GMDS: variants seen among roughly 807,000 people sequenced by gnomAD.
GMDS encodes the protein GDP-mannose 4,6 dehydratase.
A neutral mutation model predicts 49.9 loss-of-function variants in GMDS; 20 were observed. The observed-to-expected ratio is 0.40, with a 90% CI of 0.28 to 0.58. The LOEUF is 0.58. GMDS is among the 20% of genes least tolerant of loss of function. GMDS has a pLI of 0.42. For synonymous variants in GMDS, 177 were observed against 178.6 expected (o/e 0.99, Z 0.07); for missense variants, 362 against 481.4 (o/e 0.75, Z 2.32).
rs564857579 is a variant in GMDS at position 2,069,968 on chromosome 6, C to T, written c.345+45803G>A. Among the ~76,000 whole-genome samples the T allele has an allele frequency of 2.0e-4, 31 of 151,854 alleles. No homozygotes were observed. In the East Asian group the frequency reaches 3.5e-3, roughly 17 times the overall value. On this transcript the variant is annotated intron_variant, in intron 4 of 10. Transcript: ENST00000380815. ...ATGCTGCTATAAAGACACATGCACACGTATGTTTATTGCAGCATTATTCAC... is the reference window on the plus strand; with the variant it reads ...ATGCTGCTATAAAGACACATGCACATGTATGTTTATTGCAGCATTATTCAC...
chr6:2,211,045 T>C (rs1273638900), intron 1 of GMDS, among the ~76,000 whole-genome samples: 1 of 152,178 alleles, frequency 6.6e-6, no homozygotes, highest in Non-Finnish European at 1.5e-5. Context: ...GATTGCAAGT[T>C]TCCTGCAGCC....
chr6:1,692,001 G>A (rs1359128194), intron 9 of GMDS, among the ~76,000 whole-genome samples: 1 of 152,152 alleles, frequency 6.6e-6, no homozygotes, highest in African/African-American at 2.4e-5. Context: ...GGGAGAAGCA[G>A]ACCCACCCTC....
chr6:1,795,064 G>T (rs1436607657), intron 7 of GMDS, among the ~76,000 whole-genome samples: 1 of 152,116 alleles, frequency 6.6e-6, no homozygotes, highest in Non-Finnish European at 1.5e-5. Flanking sequence ...GCCAGGCATG[G>T]TGGCGCATGC....
intron 6 of GMDS, among the ~76,000 whole-genome samples, chr6:1,949,924 A>G (rs1400402536): frequency 3.3e-5 from 5 of 152,236 alleles, no homozygotes; most frequent in African/African-American, 1.2e-4. Context: ...ATGCTCATCT[A>G]CAAAAGCCAC....
At chr6:1,971,710 G>A (rs2127323951) in intron 4 of GMDS, among the ~76,000 whole-genome samples, 1 of 152,252 alleles carries the variant, frequency 6.6e-6, no homozygotes, top group Middle Eastern at 3.4e-3. Flanking sequence ...ACACTGTGGG[G>A]GCCATGGCTT....
chr6:2,189,398 G>A (rs1204767424), intron 1 of GMDS, among the ~76,000 whole-genome samples: 2 of 152,154 alleles, frequency 1.3e-5, no homozygotes, highest in Non-Finnish European at 2.9e-5. Context: ...TGGAGATGCA[G>A]GAGAATCTTA....
At chr6:1,672,238 A>T (rs1180940389) in intron 9 of GMDS, among the ~76,000 whole-genome samples, 1 of 152,190 alleles carries the variant, frequency 6.6e-6, no homozygotes, top group African/African-American at 2.4e-5. Context: ...TTCCCAAATG[A>T]TAAAGGCAGC....
chr6:1,972,228 A>C (rs1303550134), intron 4 of GMDS, among the ~76,000 whole-genome samples: 1 of 151,258 alleles, frequency 6.6e-6, no homozygotes, highest in Non-Finnish European at 1.5e-5. Context: ...AAAATTATTT[A>C]AAACAAATAT....
At chr6:2,115,144 C>A (rs1562068292) in intron 4 of GMDS, among the ~76,000 whole-genome samples, 1 of 152,074 alleles carries the variant, frequency 6.6e-6, no homozygotes, top group Non-Finnish European at 1.5e-5. Flanking sequence ...GAGGACACGG[C>A]AACAAAAACT....
intron 7 of GMDS, among the ~76,000 whole-genome samples, chr6:1,861,195 T>C (rs114135226): frequency 0.022 from 3,346 of 152,086 alleles, 116 homozygotes; most frequent in African/African-American, 0.076. Context: ...GCACCCTCAG[T>C]GAATGAAGGA....
intron 4 of GMDS, among the ~76,000 whole-genome samples, chr6:2,057,618 A>G (rs1258435354): frequency 1.3e-5 from 2 of 152,236 alleles, no homozygotes; most frequent in South Asian, 2.1e-4. Flanking sequence ...CATCTCTTCC[A>G]TTTAAACTTG....
intron 6 of GMDS, among the ~76,000 whole-genome samples, chr6:1,933,737 G>A (rs568321238): frequency 3.3e-5 from 5 of 152,120 alleles, no homozygotes; most frequent in African/African-American, 4.8e-5. Context: ...TTATTATAGA[G>A]TTGTAAGAAT....
In GMDS at chr6:1,866,794, A is replaced by G. The variant is rs1486280873; in HGVS notation, c.771+63309T>C. ...TGAACCTTGGGAGTACACTTGCCAC[A>G]CAGTGCCCCCCCGGGGTACCCCTAA... On this transcript the variant is annotated intron_variant, in intron 7 of 10. Transcript: ENST00000380815. Among the ~76,000 whole-genome samples the G allele has an allele frequency of 5.3e-5, 8 of 152,324 alleles. No homozygotes were observed. In the East Asian group the frequency reaches 1.3e-3, roughly 26 times the overall value.
intron 1 of GMDS, among the ~76,000 whole-genome samples, chr6:2,126,745 T>C (rs1775469866): frequency 6.6e-6 from 1 of 152,196 alleles, no homozygotes; most frequent in Non-Finnish European, 1.5e-5. Context: ...GCGATTCTCG[T>C]GCCTCAGCCT....
At chr6:2,236,104 A>G (rs1581841811) in intron 1 of GMDS, among the ~76,000 whole-genome samples, 2 of 152,344 alleles carry the variant, frequency 1.3e-5, no homozygotes, top group South Asian at 2.1e-4. Context: ...TCTCCCTCAA[A>G]GCAAAGGCTG....
intron 7 of GMDS, among the ~76,000 whole-genome samples, chr6:1,817,335 A>G (rs1471091944): frequency 6.6e-6 from 1 of 152,198 alleles, no homozygotes; most frequent in Non-Finnish European, 1.5e-5. Context: ...GCAGCCAACA[A>G]AAGAACTATT....
chr6:2,011,069 G>A (rs773805970), intron 4 of GMDS, among the ~76,000 whole-genome samples: 5 of 151,998 alleles, frequency 3.3e-5, no homozygotes, highest in Non-Finnish European at 5.9e-5. Flanking sequence ...AAGAAAAGAC[G>A]GGGGAAAGGA....
chr6:1,667,182 G>A (rs116199904), intron 9 of GMDS, among the ~76,000 whole-genome samples: 38 of 152,254 alleles, frequency 2.5e-4, no homozygotes, highest in Non-Finnish European at 4.4e-4. Context: ...CGAGATGGCC[G>A]GCCTCAGACC....
chr6:1,918,551 GC>G (rs1761533221), intron 7 of GMDS, among the ~76,000 whole-genome samples: 2 of 151,840 alleles, frequency 1.3e-5, no homozygotes, highest in South Asian at 4.2e-4. Context: ...TTCAAGACCA[GC>G]CTGGGCAACA....
Sources: allele counts gnomAD v4.1 joint callset (sites outside exome capture counted in the v4.1 genomes callset), GRCh38; gene constraint gnomAD v4.1.1; transcripts MANE v1.5; gene names NCBI Gene and HGNC (gene_info 2026-07-23, HGNC 2026-07-21).